The following FAM200A variants were observed in gnomAD, a reference collection of about 807,000 sequenced individuals.
FAM200A encodes the protein protein FAM200A.
In FAM200A, 26 loss-of-function variants were observed where a neutral mutation model predicts 44.2. That is an observed-to-expected ratio of 0.59 (90% CI 0.43 to 0.82). FAM200A has a LOEUF of 0.82. Ranked by LOEUF, FAM200A falls within the 40% of genes least tolerant of loss-of-function variation. FAM200A has a pLI of 0.00. For synonymous variants in FAM200A, 206 were observed against 244.4 expected (o/e 0.84, Z 1.47); for missense variants, 606 against 669.5 (o/e 0.91, Z 1.05).
chr7:99,548,236 C>G lies in FAM200A; in HGVS notation c.172G>C (p.Glu58Gln). The change falls in exon 2 of 2, where the codon GAG (glutamate) becomes CAG (glutamine). Residue 58 changes from glutamate to glutamine, a missense_variant. Coordinates refer to ENST00000449309, the MANE Select transcript of FAM200A (RefSeq NM_145111.4). Reference sequence around the variant, plus strand: ...AAATACGATGACAATAAGGCTCTCTCATTCATAGTTGTAGAGCGACTGAGA... The same window carrying G: ...AAATACGATGACAATAAGGCTCTCTGATTCATAGTTGTAGAGCGACTGAGA... ...QVLSRSTTMN[E>Q]RALLSSYLVA... 6.2e-7 allele frequency: 1 copy of G among 1,608,878 alleles called. No homozygotes were observed. Among genetic ancestry groups the G allele is most frequent in the Non-Finnish European group, 8.5e-7 (1 of 1,177,272 alleles).
At chr7:99,548,920 C>T (rs1192122877) in intron 1 of FAM200A, among the ~76,000 whole-genome samples, 2 of 129,446 alleles carry the variant, frequency 1.5e-5, no homozygotes, top group Admixed American at 8.4e-5. Context: ...GCTCTTGTTG[C>T]CCAGGCTGGA....
Position 99,547,683 on chromosome 7 carries a change from A to T in FAM200A, c.725T>A (p.Phe242Tyr), listed in dbSNP as rs1297727759. Residue 242 changes from phenylalanine (F) to tyrosine (Y), a missense_variant, in exon 2 of 2, where the codon TTT becomes TAT. Coordinates refer to ENST00000449309, the MANE Select transcript of FAM200A (RefSeq NM_145111.4). ...THNNAVWNHC[F>Y]IHREALVSKE... ...GGATACCAAAGCTTCTCGATGAATA[A>T]AACAGTGATTCCAAACAGCATTGTT... 1.3e-6 allele frequency: 2 copies of T among 1,551,386 alleles called. No individual in the cohort carries two copies. Among genetic ancestry groups the T allele is most frequent in the East Asian group, 2.4e-5 (1 of 40,910 alleles).
Position 99,552,100 on chromosome 7 carries a change from C to A in FAM200A, c.-346G>T, listed in dbSNP as rs746494716. The A allele has an allele frequency of 1.0e-6, 1 of 985,488 alleles. No individual in the cohort carries two copies. Among genetic ancestry groups the A allele is most frequent in the South Asian group, 4.7e-5 (1 of 21,296 alleles). The allele number at this position is 985,488 out of a possible 1,614,324, so 61.0% of individuals were successfully genotyped here. On this transcript the variant is annotated 5_prime_UTR_variant, in exon 1 of 2. Transcript: ENST00000449309. The stretch of plus-strand genomic sequence containing the variant: ...TCCAAGCCCCCTGGCCTTCAGAGCC[C>A]AGGGAAAGCGTCACAAAAGCCGGAA...
In FAM200A at chr7:99,547,553, A is replaced by G. The variant is rs755103894; in HGVS notation, c.855T>C (p.Cys285=). 5 of 1,551,018 alleles carry G rather than the reference A, an allele frequency of 3.2e-6. No homozygotes were observed. The highest frequency in any genetic ancestry group is 2.4e-5 in the East Asian group (1 of 40,902). The change falls in exon 2 of 2, where the codon TGT becomes TGC. Residue 285 remains cysteine (C), a synonymous_variant. Coordinates refer to ENST00000449309, the MANE Select transcript of FAM200A (RefSeq NM_145111.4). Reference sequence around the variant, plus strand: ...GGGTGTGGTTCACTCCAATCTCTGAACAAAATATTTCGAGAAGTCGGCTAT... The same window carrying G: ...GGGTGTGGTTCACTCCAATCTCTGAGCAAAATATTTCGAGAAGTCGGCTAT... The part of the protein sequence containing the change: ...SLNSRLLEIF[C]SEIGVNHTHL...
At chr7:99,552,988 C>A, upstream of FAM200A, among the ~76,000 whole-genome samples, 1 of 141,300 alleles carries the variant, frequency 7.1e-6, no homozygotes, top group South Asian at 2.2e-4. Flanking sequence ...TATATATACA[C>A]ACATATATAT....
chr7:99,549,456 G>A (rs1802479307), intron 1 of FAM200A, among the ~76,000 whole-genome samples: 1 of 152,176 alleles, frequency 6.6e-6, no homozygotes, highest in East Asian at 1.9e-4. Context: ...TGGTGGGACT[G>A]TAAACTAGTT....
chr7:99,547,846 A>G lies in FAM200A; in HGVS notation c.562T>C (p.Phe188Leu), dbSNP rs1802425550. Residue 188 changes from phenylalanine to leucine, a missense_variant, in exon 2 of 2, where the codon TTT (phenylalanine) becomes CTT (leucine). Physicochemically the swap from Phe to Leu is conservative, Grantham distance 22 (BLOSUM62 0). Coordinates refer to ENST00000449309, the MANE Select transcript of FAM200A (RefSeq NM_145111.4). ...LNSHITGLDLFTELENCLLGQ... is the reference protein window; with the variant it reads ...LNSHITGLDLLTELENCLLGQ... The stretch of plus-strand genomic sequence containing the variant: ...AGAAGGCAGTTTTCTAATTCAGTAA[A>G]TAAATCTAATCCAGTTATATGTGAA... The G allele has an allele frequency of 6.4e-7, 1 of 1,551,156 alleles. No individual in the cohort carries two copies. Among genetic ancestry groups the G allele is most frequent in the African/African-American group, 1.4e-5 (1 of 73,112 alleles).
rs138027697 is a variant in FAM200A, at chr7:99,546,866, T to C, written c.1542A>G (p.Ile514Met). 5.5e-5 allele frequency: 86 copies of C among 1,551,136 alleles called. No homozygotes were observed. In the African/African-American group the frequency reaches 1.1e-3, roughly 20 times the overall value. ...TAGTTGTGAATGGTAGTAACAGCAATATACTCTTCCTACTTAGCAGTGGAA... is the reference window on the plus strand; with the variant it reads ...TAGTTGTGAATGGTAGTAACAGCAACATACTCTTCCTACTTAGCAGTGGAA... ...DDFPLLSRKS[I>M]LLLLPFTTTY... The change falls in exon 2 of 2, where the codon ATA (isoleucine) becomes ATG (methionine). Residue 514 changes from isoleucine to methionine, a missense_variant. Ile to Met is a conservative substitution (Grantham distance 10, BLOSUM62 1). Coordinates refer to ENST00000449309, the MANE Select transcript of FAM200A (RefSeq NM_145111.4).
Position 99,547,519 on chromosome 7 carries a change from A to C in FAM200A, c.889T>G (p.Phe297Val). Reference protein sequence around the residue: ...EIGVNHTHLLFHTEVRWLSQG... With the variant: ...EIGVNHTHLLVHTEVRWLSQG... The stretch of plus-strand genomic sequence containing the variant: ...GAAAGCCAACGAACTTCTGTATGAA[A>C]CAATAAGTGGGTGTGGTTCACTCCA... Residue 297 changes from phenylalanine (F) to valine (V), a missense_variant, in exon 2 of 2, where the codon TTT becomes GTT. Phe to Val is a conservative substitution (Grantham distance 50). Transcript: ENST00000449309. 2.6e-6 allele frequency: 4 copies of C among 1,550,318 alleles called. No individual in the cohort carries two copies. The highest frequency in any genetic ancestry group is 3.5e-6 in the Non-Finnish European group (4 of 1,146,320).
At chr7:99,554,334 C>T (rs989662741), upstream of FAM200A, among the ~76,000 whole-genome samples, 6 of 151,908 alleles carry the variant, frequency 3.9e-5, no homozygotes, top group Non-Finnish European at 8.8e-5. Flanking sequence ...CAGAAATTAC[C>T]TGGGTACGGT....
chr7:99,551,943 G>C lies in FAM200A; in HGVS notation c.-189C>G, dbSNP rs762021623. Reference sequence around the variant, plus strand: ...GGGGGCACGGACCCGCTTCCACTCCGTCCCGGGCGGTCGTGGCGAGGGGAT... The same window carrying C: ...GGGGGCACGGACCCGCTTCCACTCCCTCCCGGGCGGTCGTGGCGAGGGGAT... On this transcript the variant is annotated 5_prime_UTR_variant, in exon 1 of 2. Transcript: ENST00000449309. The C allele has an allele frequency of 1.1e-5, 11 of 985,406 alleles. No homozygotes were observed. Among genetic ancestry groups the C allele is most frequent in the Non-Finnish European group, 1.3e-5 (11 of 830,004 alleles). 61.0% of individuals were successfully genotyped at this position (985,406 alleles called of 1,614,324 possible).
At chr7:99,555,362 A>G (rs1001918448), upstream of FAM200A, among the ~76,000 whole-genome samples, 2 of 152,228 alleles carry the variant, frequency 1.3e-5, no homozygotes, top group Non-Finnish European at 2.9e-5. Context: ...CACAGCCTCA[A>G]TAGGAACCAC....
upstream of FAM200A, among the ~76,000 whole-genome samples, chr7:99,557,024 A>G (rs1389794947): frequency 2.0e-5 from 3 of 152,240 alleles, no homozygotes; most frequent in Non-Finnish European, 4.4e-5. Context: ...CGACAGAGCA[A>G]GACTCTGTCT....
upstream of FAM200A, among the ~76,000 whole-genome samples, chr7:99,554,903 G>A (rs563449544): frequency 6.6e-6 from 1 of 152,312 alleles, no homozygotes; most frequent in Non-Finnish European, 1.5e-5. Context: ...GTAAGTTTAT[G>A]GGAGAGGTGG....
Position 99,546,854 on chromosome 7 carries a change from T to C in FAM200A, c.1554A>G (p.Leu518=), listed in dbSNP as rs757852287. The C allele has an allele frequency of 1.3e-6, 2 of 1,551,448 alleles. No individual in the cohort carries two copies. Among genetic ancestry groups the C allele is most frequent in the South Asian group, 1.2e-5 (1 of 83,964 alleles). Residue 518 remains leucine (L), a synonymous_variant, in exon 2 of 2, where the codon CTA becomes CTG. Transcript: ENST00000449309. ...CACACAAATATGTAGTTGTGAATGG[T>C]AGTAACAGCAATATACTCTTCCTAC... ...LLSRKSILLL[L]PFTTTYLCEL... is the part of the protein sequence containing the mutation.
upstream of FAM200A, among the ~76,000 whole-genome samples, chr7:99,554,841 G>T (rs945706362): frequency 1.3e-5 from 2 of 152,224 alleles, no homozygotes; most frequent in Non-Finnish European, 2.9e-5. Flanking sequence ...AGAGGCCAAG[G>T]CTCTTCTGTC....
In FAM200A at chr7:99,548,305, G is replaced by C. The variant is rs770715477; in HGVS notation, c.103C>G (p.His35Asp). The change falls in exon 2 of 2, where the codon CAT (histidine) becomes GAT (aspartate). Residue 35 changes from histidine (H) to aspartate (D), a missense_variant. Physicochemically the swap from His to Asp is moderately conservative, Grantham distance 81. Transcript: ENST00000449309. ...VKVEEEDEED[H>D]FQKERNKVES... ...ACTTTGTTTCTTTCCTTTTGAAAATGGTCTTCTTCATCTTCCTCCTCCACC... is the reference window on the plus strand; with the variant it reads ...ACTTTGTTTCTTTCCTTTTGAAAATCGTCTTCTTCATCTTCCTCCTCCACC... The C allele has an allele frequency of 6.2e-7, 1 of 1,614,134 alleles. No homozygotes were observed. The highest frequency in any genetic ancestry group is 8.5e-7 in the Non-Finnish European group (1 of 1,180,016).
upstream of FAM200A, among the ~76,000 whole-genome samples, chr7:99,556,523 A>C (rs2151134160): frequency 6.6e-6 from 1 of 152,262 alleles, no homozygotes; most frequent in Non-Finnish European, 1.5e-5. Context: ...TTTTTCTTTA[A>C]GAAATTCAAC....
chr7:99,553,095 ATATATTTT>A (rs1463750090), upstream of FAM200A, among the ~76,000 whole-genome samples: 2,030 of 88,264 alleles, frequency 0.023, 12 homozygotes, highest in Non-Finnish European at 0.027. Context: ...ATATATATAT[ATATATTTT>A]TTTTTTTTTT....
Sources: allele counts gnomAD v4.1 joint callset (sites outside exome capture counted in the v4.1 genomes callset), GRCh38; gene constraint gnomAD v4.1.1; transcripts MANE v1.5; gene names NCBI Gene and HGNC (gene_info 2026-07-23, HGNC 2026-07-21).